CTNNA2: variants seen among roughly 807,000 people sequenced by gnomAD.
CTNNA2 encodes catenin alpha-2.
A neutral mutation model predicts 101.0 loss-of-function variants in CTNNA2; 42 were observed. The ratio of observed to expected loss-of-function variants is 0.42; its 90% confidence interval spans 0.32 to 0.54. CTNNA2 has a LOEUF of 0.54. CTNNA2 is among the 20% of genes least tolerant of loss of function. The pLI is 0.14. For synonymous variants in CTNNA2, 450 were observed against 456.4 expected (o/e 0.99, Z 0.18); for missense variants, 871 against 1,223.1 (o/e 0.71, Z 4.29).
At chr2:79,970,622 C>G (rs76692399) in intron 7 of CTNNA2, among the ~76,000 whole-genome samples, 7 of 152,034 alleles carry the variant, frequency 4.6e-5, no homozygotes, top group African/African-American at 1.7e-4. Flanking sequence ...AGTATATTAG[C>G]ACCTTCCATT....
At chr2:79,209,258 G>A (rs1431182048) in intron 2 of CTNNA2, among the ~76,000 whole-genome samples, 3 of 152,010 alleles carry the variant, frequency 2.0e-5, no homozygotes, top group Non-Finnish European at 4.4e-5. Flanking sequence ...GTATCTATTT[G>A]GCCCATCCTT....
intron 7 of CTNNA2, among the ~76,000 whole-genome samples, chr2:80,313,186 T>C (rs1216894770): frequency 6.6e-6 from 1 of 152,226 alleles, no homozygotes; most frequent in African/African-American, 2.4e-5. Context: ...TCCCTCACCA[T>C]CCATAAGCAA....
At chr2:80,474,915 C>T (rs932205478) in intron 9 of CTNNA2, among the ~76,000 whole-genome samples, 3 of 152,246 alleles carry the variant, frequency 2.0e-5, no homozygotes, top group South Asian at 2.1e-4. Context: ...TGCCATTCAT[C>T]GGAAGGTCAA....
chr2:80,257,149 G>A (rs1000809130), intron 7 of CTNNA2, among the ~76,000 whole-genome samples: 1 of 151,914 alleles, frequency 6.6e-6, no homozygotes, highest in African/African-American at 2.4e-5. Context: ...GCACTATCTT[G>A]CCTCTTTTTG....
chr2:79,525,544 T>C (rs1672356535), intron 1 of CTNNA2, among the ~76,000 whole-genome samples: 1 of 151,970 alleles, frequency 6.6e-6, no homozygotes. Flanking sequence ...TTAAAGGTAA[T>C]GGCAAGATTG....
intron 7 of CTNNA2, among the ~76,000 whole-genome samples, chr2:80,369,461 T>A (rs1043710357): frequency 1.3e-5 from 2 of 152,228 alleles, no homozygotes; most frequent in African/African-American, 4.8e-5. Context: ...GCCCACTGCC[T>A]TATTCTTTGT....
In CTNNA2 at chr2:79,246,017, A is replaced by G. The variant is rs78625350; in HGVS notation, c.-406+47941A>G. Among the ~76,000 whole-genome samples the G allele has an allele frequency of 1.3e-4, 20 of 152,306 alleles. No homozygotes were observed. In the East Asian group the frequency reaches 3.7e-3, roughly 28 times the overall value. On this transcript the variant is annotated intron_variant, in intron 2 of 21. Transcript: ENST00000466387. ...TCCAGGCTGTCTCTTAGCATCCATC[A>G]TTATGCTGAATACTTTGATTATTGC...
intron 3 of CTNNA2, among the ~76,000 whole-genome samples, chr2:79,343,099 T>C (rs1677175817): frequency 6.6e-6 from 1 of 152,218 alleles, no homozygotes; most frequent in Non-Finnish European, 1.5e-5. Flanking sequence ...TTATTCATTA[T>C]AGAATGTTTG....
At chr2:79,880,353 C>T (rs190443913) in intron 6 of CTNNA2, among the ~76,000 whole-genome samples, 1 of 152,200 alleles carries the variant, frequency 6.6e-6, no homozygotes, top group Admixed American at 6.5e-5. Context: ...GGGAGGAGTC[C>T]TTCCTTTTCA....
chr2:79,348,965 T>C (rs1677323321), intron 3 of CTNNA2, among the ~76,000 whole-genome samples: 2 of 152,182 alleles, frequency 1.3e-5, no homozygotes, highest in South Asian at 2.1e-4. Context: ...AGAGAACAAA[T>C]TGCAATCGGC....
chr2:79,401,469 A>C (rs1043248948), intron 4 of CTNNA2, among the ~76,000 whole-genome samples: 1 of 151,762 alleles, frequency 6.6e-6, no homozygotes, highest in African/African-American at 2.4e-5. Context: ...CAAACATACC[A>C]TGAGAAAGAG....
chr2:80,013,440 T>A lies in CTNNA2; in HGVS notation c.1056+103643T>A, dbSNP rs573216669. 1.4e-3 allele frequency among the ~76,000 whole-genome samples: 206 copies of A among 152,326 alleles called. 2 individuals carry two copies. The highest frequency in any genetic ancestry group is 4.6e-3 in the African/African-American group (193 of 41,568). On this transcript the variant is annotated intron_variant, in intron 7 of 18. Transcript: ENST00000402739. ...TAAGTGAACATTAAGCATTCCACTT[T>A]TTAAATTGTTCTTCAGCTACCTTAA...
At chr2:79,887,034 C>A (rs939502215) in intron 6 of CTNNA2, among the ~76,000 whole-genome samples, 1 of 151,956 alleles carries the variant, frequency 6.6e-6, no homozygotes, top group Non-Finnish European at 1.5e-5. Context: ...CCAGGCTGGT[C>A]TTGAACTCCT....
At chr2:80,560,069 A>AAAAAG (rs1553387766) in intron 12 of CTNNA2, among the ~76,000 whole-genome samples, 190 of 141,118 alleles carry the variant, frequency 1.3e-3, no homozygotes, top group African/African-American at 4.0e-3. Context: ...AAAAAAAAAA[A>AAAAAG]AAAGAAAAAA....
chr2:80,224,941 C>G (rs1393760620), intron 7 of CTNNA2, among the ~76,000 whole-genome samples: 1 of 152,194 alleles, frequency 6.6e-6, no homozygotes, highest in South Asian at 2.1e-4. Context: ...AACCCCCCTG[C>G]CCAGTTCTGT....
In CTNNA2 at chr2:80,303,516, A is replaced by G. The variant is rs147376355; in HGVS notation, c.1057-89695A>G. On this transcript the variant is annotated intron_variant, in intron 7 of 18. Transcript: ENST00000402739. This position sits in a 1 kb window ranked among gnomAD's most constrained non-coding sequence, Gnocchi z 7.7. ...TGAAAGGCGTCCCCCTGCACGGAGCAGATGTGATTGTGATCCAGATAGAGC... is the reference window on the plus strand; with the variant it reads ...TGAAAGGCGTCCCCCTGCACGGAGCGGATGTGATTGTGATCCAGATAGAGC... The G allele has an allele frequency of 1.5e-5, 24 of 1,614,248 alleles. No individual in the cohort carries two copies. In the South Asian group the frequency reaches 2.3e-4, roughly 16 times the overall value.
chr2:79,749,694 C>T (rs1671882676), intron 3 of CTNNA2, among the ~76,000 whole-genome samples: 1 of 152,160 alleles, frequency 6.6e-6, no homozygotes. Context: ...TCTAATCTAA[C>T]TTTTACAAAT....
At chr2:80,380,545 A>G (rs10496240) in intron 7 of CTNNA2, among the ~76,000 whole-genome samples, 58,889 of 152,110 alleles carry the variant, frequency 0.39, 14,263 homozygotes, top group African/African-American at 0.69. Context: ...TTGTGTTGTC[A>G]TAAGAATCCA....
rs111492521 is a variant in CTNNA2 at position 79,843,269 on chromosome 2, G to T, written c.299-14744G>T. Among the ~76,000 whole-genome samples the T allele has an allele frequency of 1.3e-3, 204 of 152,332 alleles. 1 individual carries two copies. Among genetic ancestry groups the T allele is most frequent in the African/African-American group, 4.4e-3 (185 of 41,574 alleles). Reference sequence around the variant, plus strand: ...TGAAAGGATTCTTTAACTTGGAATTGTGTGTGGATAACAAATAGATCTATT... The same window carrying T: ...TGAAAGGATTCTTTAACTTGGAATTTTGTGTGGATAACAAATAGATCTATT... On this transcript the variant is annotated intron_variant, in intron 3 of 18. Coordinates refer to ENST00000402739, the MANE Select transcript of CTNNA2 (RefSeq NM_001282597.3).
Sources: gnomAD v4.1 joint callset for allele counts (sites outside exome capture counted in the v4.1 genomes callset) on GRCh38, gnomAD v4.1.1 for gene constraint, Gnocchi (gnomAD v3.1) non-coding constraint, MANE v1.5 for transcripts, NCBI Gene and HGNC (gene_info 2026-07-23, HGNC 2026-07-21) for gene names.